Variants in PCDHGA3 observed in about 807,000 individuals in gnomAD.
The protein encoded by PCDHGA3 is protocadherin gamma subfamily A, 3, also known as protocadherin gamma-A3.
PCDHGA3 carries 40 observed loss-of-function variants against 58.5 expected under a neutral mutation model. The ratio of observed to expected loss-of-function variants is 0.68; its 90% CI spans 0.53 to 0.89. PCDHGA3 has a LOEUF of 0.89. Ranked by LOEUF, PCDHGA3 falls within the 40% of genes least tolerant of loss-of-function variation. PCDHGA3 has a pLI of 0.00. For missense variants in PCDHGA3, 1,223 were observed against 1,195.9 expected (o/e 1.02, Z -0.33); for synonymous variants, 530 against 525.7 (o/e 1.01, Z -0.11).
At chr5:141,359,655 A>G (rs1161602645) in intron 1 of PCDHGA3, among the ~76,000 whole-genome samples, 4 of 152,072 alleles carry the variant, frequency 2.6e-5, no homozygotes, top group African/African-American at 9.7e-5. Flanking sequence ...GAGACAGAAT[A>G]TTTATAAAAA....
intron 1 of PCDHGA3, chr5:141,371,891 G>C (rs771271665): frequency 3.0e-5 from 48 of 1,613,328 alleles, no homozygotes; most frequent in Non-Finnish European, 3.9e-5. Context: ...TGGAGCCGCG[G>C]GAGCTGTCGT....
intron 1 of PCDHGA3, chr5:141,415,756 T>G (rs756759295): frequency 1.5e-4 from 214 of 1,386,812 alleles, no homozygotes; most frequent in African/African-American, 5.9e-4. Flanking sequence ...TTTTTTTTTT[T>G]TTTTTTTTTT....
chr5:141,502,750 A>G (rs974131144), intron 2 of PCDHGA3, among the ~76,000 whole-genome samples: 3 of 151,928 alleles, frequency 2.0e-5, no homozygotes, highest in Non-Finnish European at 4.4e-5. Context: ...TTCCTTCTAC[A>G]TGTATTTGCT....
chr5:141,451,582 T>C (rs1361047985), intron 1 of PCDHGA3, among the ~76,000 whole-genome samples: 1 of 152,012 alleles, frequency 6.6e-6, no homozygotes, highest in Non-Finnish European at 1.5e-5. Flanking sequence ...TAAACCTAAT[T>C]TTGAAAGTGA....
intron 1 of PCDHGA3, chr5:141,364,951 T>G: frequency 6.2e-7 from 1 of 1,613,774 alleles, no homozygotes; most frequent in East Asian, 2.2e-5. Context: ...AAGAGACTGT[T>G]CACGACCTCC....
chr5:141,475,821 G>T, intron 1 of PCDHGA3: 1 of 352,534 alleles, frequency 2.8e-6, no homozygotes, highest in Non-Finnish European at 5.1e-6. Context: ...AGTTCCTGGC[G>T]CTAGCGCGTG....
chr5:141,496,923 C>T (rs963522127), intron 2 of PCDHGA3, among the ~76,000 whole-genome samples: 9 of 150,728 alleles, frequency 6.0e-5, no homozygotes, highest in East Asian at 1.9e-4. Context: ...CTGTGGTTCA[C>T]GCCTGTAATC....
In PCDHGA3 at chr5:141,432,446, C is replaced by T. The variant is rs765059815; in HGVS notation, c.2425-62361C>T. The T allele has an allele frequency of 1.2e-6, 2 of 1,614,256 alleles. No individual in the cohort carries two copies. Among genetic ancestry groups the T allele is most frequent in the Non-Finnish European group, 8.5e-7 (1 of 1,180,052 alleles). On this transcript the variant is annotated intron_variant, in intron 1 of 3. Transcript: ENST00000253812. The surrounding 1 kb of genome is among the most constrained non-coding windows in gnomAD (Gnocchi z 6.0). ...CCAGAACGACAATGCGCCCGAGATC[C>T]TGTACCCCGCCCTCCCCACGGACGG...
intron 2 of PCDHGA3, among the ~76,000 whole-genome samples, chr5:141,504,443 A>C (rs1043353401): frequency 2.0e-5 from 3 of 152,070 alleles, no homozygotes; most frequent in African/African-American, 4.8e-5. Context: ...CAGTGTGACT[A>C]GTGCCATGTG....
At chr5:141,388,115 G>C (rs747417828) in intron 1 of PCDHGA3, 1 of 1,410,070 alleles carries the variant, frequency 7.1e-7, no homozygotes. Flanking sequence ...ACTTCACCGT[G>C]AGCGCAGAGA....
intron 1 of PCDHGA3, chr5:141,356,500 A>G: frequency 6.2e-7 from 1 of 1,614,012 alleles, no homozygotes; most frequent in Admixed American, 1.7e-5. Flanking sequence ...TCCACTGTCT[A>G]CAGAAACTCA....
At chr5:141,386,438 G>A (rs79313044) in intron 1 of PCDHGA3, among the ~76,000 whole-genome samples, 2,560 of 152,240 alleles carry the variant, frequency 0.017, 31 homozygotes, top group South Asian at 0.037. Context: ...CTGCATGGGA[G>A]GCTGAGGCAA....
chr5:141,494,729 C>T (rs2099756368), intron 1 of PCDHGA3, 78 bp from the exon 2 acceptor site: 31 of 1,610,050 alleles, frequency 1.9e-5, no homozygotes, highest in Admixed American at 3.3e-5. Flanking sequence ...CCTTCTCTCC[C>T]GGCCCATCCC....
intron 1 of PCDHGA3, chr5:141,371,943 C>T: frequency 6.2e-7 from 1 of 1,613,302 alleles, no homozygotes; most frequent in Non-Finnish European, 8.5e-7. Context: ...GGTGTTCGCG[C>T]AGCGAGCCTT....
At chr5:141,355,503 C>G in intron 1 of PCDHGA3, 2 of 1,614,064 alleles carry the variant, frequency 1.2e-6, no homozygotes, top group Non-Finnish European at 1.7e-6. Flanking sequence ...GATCTCCAAA[C>G]TGTGTGACAA....
rs1409333356 is a variant in PCDHGA3 at position 141,418,996 on chromosome 5, T to C, written c.2424+72539T>C. On this transcript the variant is annotated intron_variant, in intron 1 of 3. Coordinates refer to ENST00000253812, the MANE Select transcript of PCDHGA3 (RefSeq NM_018916.4). ...CACGGGACCAAGACTCAGGGGAAAATGGGGAAGTCAGGTGTAGCTTAAGTA... is the reference window on the plus strand; with the variant it reads ...CACGGGACCAAGACTCAGGGGAAAACGGGGAAGTCAGGTGTAGCTTAAGTA... 3.3e-5 allele frequency: 54 copies of C among 1,613,756 alleles called. 1 individual carries two copies. The East Asian group carries it at 1.0e-3, about 30-fold the overall frequency.
intron 1 of PCDHGA3, among the ~76,000 whole-genome samples, chr5:141,455,406 CAG>C (rs1306843200): frequency 3.3e-5 from 5 of 152,226 alleles, no homozygotes; most frequent in Non-Finnish European, 5.9e-5. Flanking sequence ...CTTACAGAGA[CAG>C]AGGGAGCGGG....
At chr5:141,408,882 A>G (rs1561715935) in intron 1 of PCDHGA3, 1 of 1,613,404 alleles carries the variant, frequency 6.2e-7, no homozygotes, top group Admixed American at 1.7e-5. Context: ...GCCACCGCTC[A>G]CATAGAAATT....
At chr5:141,398,977 A>G (rs761532339) in intron 1 of PCDHGA3, 2 of 1,613,952 alleles carry the variant, frequency 1.2e-6, no homozygotes, top group Non-Finnish European at 1.7e-6. Context: ...CTTCTACAGA[A>G]CCGGGCAAAT....
Sources: allele counts gnomAD v4.1 joint callset (sites outside exome capture counted in the v4.1 genomes callset), GRCh38; gene constraint gnomAD v4.1.1; non-coding constraint Gnocchi (gnomAD v3.1); transcripts MANE v1.5; gene names NCBI Gene and HGNC (gene_info 2026-07-23, HGNC 2026-07-21).